FASLG: variants seen among roughly 807,000 people sequenced by gnomAD.
FASLG encodes the protein tumor necrosis factor ligand superfamily member 6.
A neutral mutation model predicts 24.6 loss-of-function variants in FASLG; 9 were observed. That is an observed-to-expected ratio of 0.37 (90% confidence interval 0.22 to 0.64). The LOEUF is 0.64. Ranked by LOEUF, FASLG falls within the 30% of genes least tolerant of loss-of-function variation. The probability of loss-of-function intolerance (pLI) is 0.64; values close to 1 mark genes in which losing one functional copy is unlikely to be tolerated. For synonymous variants in FASLG, 130 were observed against 135.5 expected, an observed-to-expected ratio of 0.96 and a Z score of 0.28; for missense variants, 306 against 345.3, an observed-to-expected ratio of 0.89 and a Z score of 0.90.
Position 172,659,552 on chromosome 1 carries a change from A to C in FASLG, c.348+3A>C, listed in dbSNP as rs1659093670. On this transcript the variant is annotated splice_donor_region_variant and intron_variant, in intron 1 of 3. Coordinates refer to ENST00000367721, the MANE Select transcript of FASLG (RefSeq NM_000639.3). ...AGGAGCTGGCAGAACTCCGAGAGGTAAGCCTGCCGGCAGACTGCTGTGCCC... is the reference window on the plus strand; with the variant it reads ...AGGAGCTGGCAGAACTCCGAGAGGTCAGCCTGCCGGCAGACTGCTGTGCCC... 6.2e-7 allele frequency: 1 copy of C among 1,613,170 alleles called. No homozygotes were observed. The highest frequency in any genetic ancestry group is 1.3e-5 in the African/African-American group (1 of 74,876).
rs1401283048 is a variant in FASLG, at chr1:172,662,743, C to G, written c.395-1591C>G. On this transcript the variant is annotated intron_variant, in intron 2 of 3. Transcript: ENST00000367721. ...AGGATATCCTTGCAATTTATTTATT[C>G]CAGTATAGGTACAGCAGATATTCTT... 2.0e-5 allele frequency among the ~76,000 whole-genome samples: 3 copies of G among 152,134 alleles called. No homozygotes were observed. In the East Asian group the frequency reaches 5.8e-4, roughly 29 times the overall value.
At position 172,664,356 on chromosome 1, in the gene FASLG, A is replaced by G. The variant is rs780093284; in HGVS notation, c.417A>G (p.Glu139=). 6.2e-7 allele frequency: 1 copy of G among 1,614,098 alleles called. No homozygotes were observed. Among genetic ancestry groups the G allele is most frequent in the Non-Finnish European group, 8.5e-7 (1 of 1,179,966 alleles). ...KQIGHPSPPP[E]KKELRKVAHL... is the part of the protein sequence containing the mutation. The stretch of plus-strand genomic sequence containing the variant: ...CAGGCCACCCCAGTCCACCCCCTGA[A>G]AAAAAGGAGCTGAGGAAAGTGGCCC... The change falls in exon 3 of 4, where the codon GAA becomes GAG. Residue 139 remains glutamate (E), a synonymous_variant. Coordinates refer to ENST00000367721, the MANE Select transcript of FASLG (RefSeq NM_000639.3).
chr1:172,665,479 C>A, intron 3 of FASLG, 143 bp from the exon 4 acceptor site: 1 of 880,354 alleles, frequency 1.1e-6, no homozygotes, highest in Non-Finnish European at 1.8e-6. Context: ...GGATCAAGTT[C>A]TGACCCCTCA....
At chr1:172,665,440 G>A (rs1571333363) in intron 3 of FASLG, among the ~76,000 whole-genome samples, 182 bp from the exon 4 acceptor site, 1 of 149,748 alleles carries the variant, frequency 6.7e-6, no homozygotes, top group East Asian at 1.9e-4. Context: ...TGACAAAATA[G>A]GACAACGTTG....
At chr1:172,663,832 C>T (rs1659193046) in intron 2 of FASLG, among the ~76,000 whole-genome samples, 1 of 152,142 alleles carries the variant, frequency 6.6e-6, no homozygotes, top group Non-Finnish European at 1.5e-5. Context: ...TAGTCTTCTT[C>T]AGCCTCTGTC....
At chr1:172,661,506 C>A (rs568415488) in intron 2 of FASLG, among the ~76,000 whole-genome samples, 68 of 152,250 alleles carry the variant, frequency 4.5e-4, no homozygotes, top group Middle Eastern at 3.4e-3. Context: ...TTTTGAAAAT[C>A]TGTGGAATGT....
intron 2 of FASLG, among the ~76,000 whole-genome samples, chr1:172,661,011 T>C (rs1300136071): frequency 6.6e-6 from 1 of 152,216 alleles, no homozygotes; most frequent in Non-Finnish European, 1.5e-5. Context: ...AGAAACAAAA[T>C]ACCAGATGGA....
rs767625492 is a variant in FASLG, at chr1:172,666,064, C to T, written c.*48C>T. 21 of 1,608,036 alleles carry T rather than the reference C, an allele frequency of 1.3e-5. No individual in the cohort carries two copies. In the East Asian group the frequency reaches 2.2e-4, roughly 17 times the overall value. On this transcript the variant is annotated 3_prime_UTR_variant, in exon 4 of 4. Coordinates refer to ENST00000367721, the MANE Select transcript of FASLG (RefSeq NM_000639.3). ...CCATTATGATTCTTTGTTACAGGCA[C>T]CGAGAATGTTGTATTCAGTGAGGGT...
intron 2 of FASLG, among the ~76,000 whole-genome samples, chr1:172,662,003 G>A (rs1165425711): frequency 1.3e-5 from 2 of 151,866 alleles, no homozygotes; most frequent in Non-Finnish European, 2.9e-5. Context: ...ACTTCCTTAT[G>A]AGCCTATTTA....
rs1436776338 is a variant in FASLG, at chr1:172,666,792, CTATAA to C, written c.*784_*788del. ...ATTGTCAGCTACTAATGATGTTTTC[CTATAA>C]TATAATAAATATTTATGTAGATGTG... On this transcript the variant is annotated 3_prime_UTR_variant, in exon 4 of 4. Coordinates refer to ENST00000367721, the MANE Select transcript of FASLG (RefSeq NM_000639.3). The C allele has an allele frequency of 2.0e-5, 3 of 152,116 alleles. No individual in the cohort carries two copies. Among genetic ancestry groups the C allele is most frequent in the Admixed American group, 6.6e-5 (1 of 15,238 alleles). 9.4% of individuals were successfully genotyped at this position (152,116 alleles called of 1,614,324 possible). A position where few individuals can be genotyped will look rare whatever the true frequency, so the allele number is the denominator to read the frequency against.
At position 172,665,966 on chromosome 1, in the gene FASLG, C is replaced by A. The variant is rs35178418; in HGVS notation, c.796C>A (p.Leu266Met). 6.2e-7 allele frequency: 1 copy of A among 1,614,046 alleles called. No individual in the cohort carries two copies. The highest frequency in any genetic ancestry group is 8.5e-7 in the Non-Finnish European group (1 of 1,179,956). The change falls in exon 4 of 4, where the codon CTG becomes ATG. Residue 266 changes from leucine to methionine, a missense_variant. Transcript: ENST00000367721. ...ATATGTCAACGTATCTGAGCTCTCT[C>A]TGGTCAATTTTGAGGAATCTCAGAC... The part of the protein sequence containing the change: ...HLYVNVSELS[L>M]VNFEESQTFF...
intron 2 of FASLG, among the ~76,000 whole-genome samples, chr1:172,663,666 G>A (rs1558234596): frequency 6.6e-6 from 1 of 152,286 alleles, no homozygotes; most frequent in East Asian, 1.9e-4. Flanking sequence ...GTGTGATGGG[G>A]ATACTTGTAT....
chr1:172,666,274 A>G lies in FASLG; in HGVS notation c.*258A>G. On this transcript the variant is annotated 3_prime_UTR_variant, in exon 4 of 4. Transcript: ENST00000367721. Reference sequence around the variant, plus strand: ...TGAAGAGGGAGAAGCATGAAAAAGCAGCTACCAGGTGTTCTACACTCATCT... The same window carrying G: ...TGAAGAGGGAGAAGCATGAAAAAGCGGCTACCAGGTGTTCTACACTCATCT... 2 of 506,154 alleles carry G rather than the reference A, an allele frequency of 4.0e-6. No homozygotes were observed. The highest frequency in any genetic ancestry group is 3.6e-6 in the Non-Finnish European group (1 of 279,036). 31.4% of individuals were successfully genotyped at this position (506,154 alleles called of 1,614,324 possible). A position where few individuals can be genotyped will look rare whatever the true frequency, so the allele number is the denominator to read the frequency against.
At chr1:172,660,069 C>T in intron 1 of FASLG, 26 bp from the exon 2 acceptor site, 1 of 1,609,732 alleles carries the variant, frequency 6.2e-7, no homozygotes, top group Non-Finnish European at 8.5e-7. Context: ...TTTTATTATA[C>T]ATCTTTTCTC....
Position 172,665,833 on chromosome 1 carries a change from T to A in FASLG, c.663T>A (p.Asp221Glu). 1 of 1,613,938 alleles carries A rather than the reference T, an allele frequency of 6.2e-7. No homozygotes were observed. The highest frequency in any genetic ancestry group is 8.5e-7 in the Non-Finnish European group (1 of 1,179,984). Residue 221 changes from aspartate (D) to glutamate (E), a missense_variant, in exon 4 of 4, where the codon GAT (aspartate) becomes GAA (glutamate). Asp to Glu is a conservative substitution (Grantham distance 45). Transcript: ENST00000367721. The stretch of plus-strand genomic sequence containing the variant: ...TGAGGAACTCTAAGTATCCCCAGGA[T>A]CTGGTGATGATGGAGGGGAAGATGA... ...VYMRNSKYPQ[D>E]LVMMEGKMMS...
chr1:172,662,542 G>A (rs894043076), intron 2 of FASLG, among the ~76,000 whole-genome samples: 3 of 151,642 alleles, frequency 2.0e-5, no homozygotes, highest in East Asian at 2.0e-4. Context: ...AGTACAACCT[G>A]AGAATCTTCT....
rs56011252 is a variant in FASLG, at chr1:172,666,046, G to A, written c.*30G>A. 2 of 1,612,990 alleles carry A rather than the reference G, an allele frequency of 1.2e-6. No individual in the cohort carries two copies. The highest frequency in any genetic ancestry group is 1.7e-6 in the Non-Finnish European group (2 of 1,179,824). ...AGCACTTTGGGATTCTTTCCATTAT[G>A]ATTCTTTGTTACAGGCACCGAGAAT... is the stretch of plus-strand genomic sequence containing the variant. On this transcript the variant is annotated 3_prime_UTR_variant, in exon 4 of 4. Coordinates refer to ENST00000367721, the MANE Select transcript of FASLG (RefSeq NM_000639.3).
At position 172,664,361 on chromosome 1, in the gene FASLG, A is replaced by G. The variant is rs1394873281; in HGVS notation, c.422A>G (p.Lys141Arg). The part of the protein sequence containing the change: ...IGHPSPPPEK[K>R]ELRKVAHLTG... ...CACCCCAGTCCACCCCCTGAAAAAAAGGAGCTGAGGAAAGTGGCCCATTTA... is the reference window on the plus strand; with the variant it reads ...CACCCCAGTCCACCCCCTGAAAAAAGGGAGCTGAGGAAAGTGGCCCATTTA... The change falls in exon 3 of 4, where the codon AAG (lysine) becomes AGG (arginine). Residue 141 changes from lysine to arginine, a missense_variant. Transcript: ENST00000367721. 1.9e-6 allele frequency: 3 copies of G among 1,614,014 alleles called. No individual in the cohort carries two copies. The highest frequency in any genetic ancestry group is 2.5e-6 in the Non-Finnish European group (3 of 1,179,918).
intron 2 of FASLG, 86 bp downstream of exon 2, chr1:172,660,226 C>A: frequency 7.3e-7 from 1 of 1,375,178 alleles, no homozygotes; most frequent in Non-Finnish European, 1.0e-6. Context: ...AAATTCTGTC[C>A]CACACTTTGG....
Sources: gnomAD v4.1 joint callset for allele counts (sites outside exome capture counted in the v4.1 genomes callset) on GRCh38, gnomAD v4.1.1 for gene constraint, MANE v1.5 for transcripts, NCBI Gene and HGNC (gene_info 2026-07-23, HGNC 2026-07-21) for gene names.